Variants in IDE observed in about 807,000 individuals in gnomAD.
IDE encodes the protein insulin-degrading enzyme.
A neutral mutation model predicts 133.2 loss-of-function variants in IDE; 58 were observed. The ratio of observed to expected loss-of-function variants is 0.44; its 90% CI spans 0.35 to 0.54. IDE has a LOEUF of 0.54. Ranked by LOEUF, IDE falls within the 20% of genes least tolerant of loss-of-function variation. The pLI is 0.00. For synonymous variants in IDE, 396 were observed against 421.3 expected, an observed-to-expected ratio of 0.94 and a Z score of 0.73; for missense variants, 981 against 1,234.0, an observed-to-expected ratio of 0.79 and a Z score of 3.07.
At chr10:92,471,033 AATTACTAAAT>A (rs1845937803) in intron 17 of IDE, among the ~76,000 whole-genome samples, 1 of 152,190 alleles carries the variant, frequency 6.6e-6, no homozygotes, top group South Asian at 2.1e-4. Context: ...TTCCCTTTGT[AATTACTAAAT>A]ATTTATTTTG....
chr10:92,475,396 A>T lies in IDE; in HGVS notation c.1996-435T>A, dbSNP rs1045035939. On this transcript the variant is annotated intron_variant, in intron 16 of 24. Transcript: ENST00000265986. ...GTAGTTTCTTCTAGTATACAAGGAA[A>T]GGTCATAGTTTAGCTTCAGAAGCAG... Among the ~76,000 whole-genome samples the T allele has an allele frequency of 3.5e-4, 53 of 152,220 alleles. 1 individual carries two copies. Among genetic ancestry groups the T allele is most frequent in the African/African-American group, 1.3e-3 (52 of 41,460 alleles).
chr10:92,515,561 T>A (rs1036423390), intron 4 of IDE, among the ~76,000 whole-genome samples: 1 of 81,692 alleles, frequency 1.2e-5, no homozygotes, highest in African/African-American at 3.5e-5. Flanking sequence ...GCACCCGGCC[T>A]TTTTTTTTTT....
intron 14 of IDE, among the ~76,000 whole-genome samples, chr10:92,480,338 G>T (rs1172072885): frequency 6.6e-6 from 1 of 152,224 alleles, no homozygotes; most frequent in Non-Finnish European, 1.5e-5. Context: ...GAAATAAAGA[G>T]TGAACAAATC....
chr10:92,571,267 G>A (rs1031694904), intron 1 of IDE, among the ~76,000 whole-genome samples: 2 of 151,986 alleles, frequency 1.3e-5, no homozygotes, highest in Admixed American at 6.6e-5. Context: ...CCCCGACCTC[G>A]CCCTGTCAAA....
chr10:92,471,393 A>G (rs1450293983), intron 17 of IDE, among the ~76,000 whole-genome samples: 1 of 152,212 alleles, frequency 6.6e-6, no homozygotes, highest in African/African-American at 2.4e-5. Context: ...TTCACACTAT[A>G]AAGTAGCTAC....
chr10:92,505,309 A>G (rs371847045), intron 10 of IDE, among the ~76,000 whole-genome samples: 30 of 152,348 alleles, frequency 2.0e-4, no homozygotes, highest in African/African-American at 7.0e-4. Flanking sequence ...CTAAATTTCT[A>G]TGAAACAAAT....
At position 92,563,154 on chromosome 10, in the gene IDE, G is replaced by A. The variant is rs185425522; in HGVS notation, c.98+10768C>T. On this transcript the variant is annotated intron_variant, in intron 1 of 24. Coordinates refer to ENST00000265986, the MANE Select transcript of IDE (RefSeq NM_004969.4). ...TAATCCCAGCTACTTGGGAGGCTGA[G>A]ACAGGAGAATTGCTTGAACCCGGGA... Among the ~76,000 whole-genome samples the A allele has an allele frequency of 1.9e-3, 295 of 152,296 alleles. 5 individuals carry two copies. The East Asian group carries it at 0.034, about 17-fold the overall frequency.
At chr10:92,529,175 A>T (rs906655369) in intron 4 of IDE, among the ~76,000 whole-genome samples, 3 of 152,182 alleles carry the variant, frequency 2.0e-5, no homozygotes, top group African/African-American at 7.2e-5. Flanking sequence ...AATCTACATA[A>T]ATTAGCATGA....
intron 4 of IDE, among the ~76,000 whole-genome samples, chr10:92,523,552 T>G (rs1267517832): frequency 6.8e-6 from 1 of 146,870 alleles, no homozygotes; most frequent in Non-Finnish European, 1.5e-5. Context: ...AAAAAAAAAA[T>G]TAGTTAGGCA....
rs1323077236 is a variant in IDE at position 92,451,996 on chromosome 10, T to A, written c.*2448A>T. On this transcript the variant is annotated 3_prime_UTR_variant, in exon 25 of 25. Coordinates refer to ENST00000265986, the MANE Select transcript of IDE (RefSeq NM_004969.4). ...AATACTCACAGCAAGGAGTCCAACA[T>A]CAAATACTGAGATTCTTGTTTTACA... 1.3e-5 allele frequency: 2 copies of A among 152,216 alleles called. No individual in the cohort carries two copies. The highest frequency in any genetic ancestry group is 2.9e-5 in the Non-Finnish European group (2 of 68,046). The allele number at this position is 152,216 out of a possible 1,614,324, so 9.4% of individuals were successfully genotyped here. A position where few individuals can be genotyped will look rare whatever the true frequency, so the allele number is the denominator to read the frequency against.
chr10:92,556,673 G>A (rs1165740517), intron 1 of IDE, among the ~76,000 whole-genome samples: 2 of 152,088 alleles, frequency 1.3e-5, no homozygotes, highest in Non-Finnish European at 2.9e-5. Flanking sequence ...CAGGAGAATC[G>A]CTTGGACCCA....
chr10:92,473,316 A>C (rs1438487911), intron 17 of IDE, among the ~76,000 whole-genome samples: 1 of 152,112 alleles, frequency 6.6e-6, no homozygotes, highest in East Asian at 1.9e-4. Context: ...AGAAGTAAAA[A>C]ATCTAAAACA....
intron 1 of IDE, among the ~76,000 whole-genome samples, chr10:92,566,816 T>C (rs1008533752): frequency 6.6e-6 from 1 of 152,160 alleles, no homozygotes; most frequent in Non-Finnish European, 1.5e-5. Flanking sequence ...CAAAAAAGCA[T>C]AACATACAAT....
At position 92,565,245 on chromosome 10, in the gene IDE, GAA is replaced by G. The variant is rs1157438934; in HGVS notation, c.98+8675_98+8676del. Among the ~76,000 whole-genome samples, 37 of 93,136 alleles carry G rather than the reference GAA, an allele frequency of 4.0e-4. No homozygotes were observed. The East Asian group carries it at 7.6e-3, about 19-fold the overall frequency. 61.1% of individuals were successfully genotyped at this position (93,136 alleles called of 152,430 possible). A position where few individuals can be genotyped will look rare whatever the true frequency, so the allele number is the denominator to read the frequency against. On this transcript the variant is annotated intron_variant, in intron 1 of 24. Transcript: ENST00000265986. ...GGTGACAGAGCGAGACTCTGTCTCA[GAA>G]AAAAAAAAAAAAAAAGAAAAAATTA...
At chr10:92,537,616 A>C in intron 1 of IDE, 66 bp from the exon 2 acceptor site, 1 of 1,177,456 alleles carries the variant, frequency 8.5e-7, no homozygotes, top group Non-Finnish European at 1.2e-6. Flanking sequence ...CAATAACGTC[A>C]AGTAAACCCA....
At chr10:92,542,229 A>G (rs1842343370) in intron 1 of IDE, among the ~76,000 whole-genome samples, 1 of 152,192 alleles carries the variant, frequency 6.6e-6, no homozygotes, top group African/African-American at 2.4e-5. Flanking sequence ...ATCTTGGTTC[A>G]CTATAGCCTC....
At chr10:92,488,219 C>T (rs941653875) in intron 12 of IDE, among the ~76,000 whole-genome samples, 1 of 152,190 alleles carries the variant, frequency 6.6e-6, no homozygotes, top group Non-Finnish European at 1.5e-5. Flanking sequence ...ATTCTTGTGC[C>T]TCAGCCTCCT....
At chr10:92,542,332 T>G (rs1418263979) in intron 1 of IDE, among the ~76,000 whole-genome samples, 2 of 152,252 alleles carry the variant, frequency 1.3e-5, no homozygotes, top group Non-Finnish European at 2.9e-5. Context: ...TTTTTTGTTT[T>G]GTTTTATAGA....
intron 1 of IDE, among the ~76,000 whole-genome samples, chr10:92,564,165 A>T (rs1453856646): frequency 1.3e-5 from 2 of 152,198 alleles, no homozygotes; most frequent in East Asian, 3.8e-4. Flanking sequence ...CTACTCTTGA[A>T]TGAAGGAGCA....
Sources: gnomAD v4.1 joint callset for allele counts (sites outside exome capture counted in the v4.1 genomes callset) on GRCh38, gnomAD v4.1.1 for gene constraint, MANE v1.5 for transcripts, NCBI Gene and HGNC (gene_info 2026-07-23, HGNC 2026-07-21) for gene names.